Variants in SHROOM1 observed in about 807,000 individuals in gnomAD.
SHROOM1 encodes the protein protein Shroom1.
A neutral mutation model predicts 64.2 loss-of-function variants in SHROOM1; 53 were observed. The ratio of observed to expected loss-of-function variants is 0.83; its 90% confidence interval spans 0.66 to 1.04. The LOEUF (loss-of-function observed/expected upper bound fraction) is 1.04. Ranked by LOEUF, SHROOM1 falls within the 50% of genes least tolerant of loss-of-function variation. The probability of loss-of-function intolerance (pLI) is 0.00; values close to 1 mark genes in which losing one functional copy is unlikely to be tolerated. For missense variants in SHROOM1, 1,179 were observed against 1,163.2 expected, an observed-to-expected ratio of 1.01 and a Z score of -0.20; for synonymous variants, 490 against 518.9, an observed-to-expected ratio of 0.94 and a Z score of 0.76.
rs1485927464 is a variant in SHROOM1, at chr5:132,826,121, C to T, written c.20G>A (p.Gly7Glu). The change falls in exon 4 of 10, where the codon GGG becomes GAG. Residue 7 changes from glycine to glutamate, a missense_variant. Gly to Glu is a moderately conservative substitution (Grantham distance 98). Coordinates refer to ENST00000378679, the MANE Select transcript of SHROOM1 (RefSeq NM_001172700.2). ...CGAGGCCGGGGAGGCGCGGTCGCCC[C>T]CAGGTCCCAGGGCCTCCATGGCTGC... MEALGP[G>E]GDRASPASST... 1 of 1,382,900 alleles carries T rather than the reference C, an allele frequency of 7.2e-7. No homozygotes were observed. The highest frequency in any genetic ancestry group is 9.4e-7 in the Non-Finnish European group (1 of 1,067,954). 85.7% of individuals were successfully genotyped at this position (1,382,900 alleles called of 1,614,324 possible).
In SHROOM1 at chr5:132,825,890, C is replaced by T. The variant is rs774719744; in HGVS notation, c.251G>A (p.Arg84Gln). 52 of 1,311,782 alleles carry T rather than the reference C, an allele frequency of 4.0e-5. No individual in the cohort carries two copies. Among genetic ancestry groups the T allele is most frequent in the Admixed American group, 8.3e-5 (2 of 23,996 alleles). 81.3% of individuals were successfully genotyped at this position (1,311,782 alleles called of 1,614,324 possible). Residue 84 changes from arginine to glutamine, a missense_variant, in exon 4 of 10, where the codon CGG (arginine) becomes CAG (glutamine). Physicochemically the swap from Arg to Gln is conservative, Grantham distance 43 (BLOSUM62 1). Transcript: ENST00000378679. This position sits in a 1 kb window ranked among gnomAD's most constrained non-coding sequence, Gnocchi z 5.1. ...GCGGGCTGCAACCGCGGGCCGGGGCCGCGGGGATGTGCAAAGGGCAGCGTC... is the reference window on the plus strand; with the variant it reads ...GCGGGCTGCAACCGCGGGCCGGGGCTGCGGGGATGTGCAAAGGGCAGCGTC... ...PPDAALCTSP[R>Q]PRPAVAARSG...
Position 132,825,382 on chromosome 5 carries a change from A to T in SHROOM1, c.759T>A (p.Pro253=). The T allele has an allele frequency of 6.3e-7, 1 of 1,597,212 alleles. No homozygotes were observed. Among genetic ancestry groups the T allele is most frequent in the Non-Finnish European group, 8.5e-7 (1 of 1,178,604 alleles). Residue 253 remains proline, a synonymous_variant, in exon 4 of 10, where the codon CCT becomes CCA. Transcript: ENST00000378679. This position sits in a 1 kb window ranked among gnomAD's most constrained non-coding sequence, Gnocchi z 5.1. The part of the protein sequence containing the change: ...LGEACSSSGL[P]GPEPLEFQHP... ...GCTGGAACTCCAAGGGCTCGGGCCCAGGGAGGCCAGAGCTGGAGCAGGCCT... is the reference window on the plus strand; with the variant it reads ...GCTGGAACTCCAAGGGCTCGGGCCCTGGGAGGCCAGAGCTGGAGCAGGCCT...
rs889272732 is a variant in SHROOM1 at position 132,830,517 on chromosome 5, C to A, written c.-501+77G>T. The A allele has an allele frequency of 6.0e-5, 59 of 984,858 alleles. No individual in the cohort carries two copies. The highest frequency in any genetic ancestry group is 6.3e-5 in the Non-Finnish European group (52 of 829,648). 61.0% of individuals were successfully genotyped at this position (984,858 alleles called of 1,614,324 possible). On this transcript the variant is annotated intron_variant, in intron 1 of 9. Coordinates refer to ENST00000378679, the MANE Select transcript of SHROOM1 (RefSeq NM_001172700.2). The surrounding 1 kb of genome is among the most constrained non-coding windows in gnomAD (Gnocchi z 5.9). ...TCGCCGCCCGCTCTTCACCCCCGTC[C>A]GCCCGCAGCCCCGCCGGCCTCCCGG...
intron 1 of SHROOM1, chr5:132,829,757 T>C: frequency 3.0e-6 from 3 of 985,440 alleles, no homozygotes; most frequent in Non-Finnish European, 3.6e-6. Flanking sequence ...CAAAACCCAG[T>C]ACCCGCAGCT....
rs1758582315 is a variant in SHROOM1, at chr5:132,824,363, A to G, written c.1298T>C (p.Val433Ala). 1 of 1,596,614 alleles carries G rather than the reference A, an allele frequency of 6.3e-7. No homozygotes were observed. Among genetic ancestry groups the G allele is most frequent in the Non-Finnish European group, 8.5e-7 (1 of 1,171,932 alleles). ...GTGLGQRTGQ[V>A]TVPTEYPLHE... is the part of the protein sequence containing the mutation. ...GAGCGGGTACTCTGTGGGGACTGTA[A>G]CCTGGCCAGTTCTTTGGCCTAAGCC... is the stretch of plus-strand genomic sequence containing the variant. The change falls in exon 7 of 10, where the codon GTT becomes GCT. Residue 433 changes from valine to alanine, a missense_variant. By Grantham distance (64) the Val-to-Ala change is moderately conservative. Transcript: ENST00000378679.
chr5:132,828,957 G>A (rs907787997), intron 1 of SHROOM1, among the ~76,000 whole-genome samples: 41 of 152,342 alleles, frequency 2.7e-4, no homozygotes, highest in Admixed American at 2.5e-3. Context: ...GGAGCCTCTT[G>A]CAGTCCAGCC....
Position 132,825,881 on chromosome 5 carries a change from G to A in SHROOM1, c.260C>T (p.Pro87Leu). ...AALCTSPRPRPAVAARSGPQP... is the reference protein window; with the variant it reads ...AALCTSPRPRLAVAARSGPQP... Reference sequence around the variant, plus strand: ...CGGCCCACTGCGGGCTGCAACCGCGGGCCGGGGCCGCGGGGATGTGCAAAG... The same window carrying A: ...CGGCCCACTGCGGGCTGCAACCGCGAGCCGGGGCCGCGGGGATGTGCAAAG... Residue 87 changes from proline (P) to leucine (L), a missense_variant, in exon 4 of 10, where the codon CCC (proline) becomes CTC (leucine). Pro to Leu is a moderately conservative substitution (Grantham distance 98). Transcript: ENST00000378679. The surrounding 1 kb of genome is among the most constrained non-coding windows in gnomAD (Gnocchi z 5.1). 1.5e-6 allele frequency: 2 copies of A among 1,307,190 alleles called. No individual in the cohort carries two copies. Among genetic ancestry groups the A allele is most frequent in the Middle Eastern group, 2.3e-4 (1 of 4,420 alleles). The allele number at this position is 1,307,190 out of a possible 1,614,324, so 81.0% of individuals were successfully genotyped here. A position where few individuals can be genotyped will look rare whatever the true frequency, so the allele number is the denominator to read the frequency against.
chr5:132,829,613 C>T (rs1040643224), intron 1 of SHROOM1: 1 of 985,330 alleles, frequency 1.0e-6, no homozygotes, highest in Admixed American at 6.1e-5. Flanking sequence ...TCCCTCAAGG[C>T]CACCTCACAT....
At position 132,825,462 on chromosome 5, in the gene SHROOM1, C is replaced by A; in HGVS notation, c.679G>T (p.Gly227Ter). 6.4e-7 allele frequency: 1 copy of A among 1,573,570 alleles called. No individual in the cohort carries two copies. The highest frequency in any genetic ancestry group is 1.7e-5 in the Admixed American group (1 of 57,548). Residue 227 changes from glycine to a stop codon, truncating the protein, a stop_gained, in exon 4 of 10, where the codon GGA becomes TGA. Coordinates refer to ENST00000378679, the MANE Select transcript of SHROOM1 (RefSeq NM_001172700.2). LOFTEE classifies it high-confidence loss of function. The surrounding 1 kb of genome is among the most constrained non-coding windows in gnomAD (Gnocchi z 5.1). ...QQRKWCFSEP[G>*]KLDRVGRGGG... Reference sequence around the variant, plus strand: ...CCCCGACCCACACGATCCAGCTTTCCTGGCTCTGAGAAGCACCACTTCCGC... The same window carrying A: ...CCCCGACCCACACGATCCAGCTTTCATGGCTCTGAGAAGCACCACTTCCGC...
intron 1 of SHROOM1, chr5:132,829,751 A>C (rs1581236384): frequency 8.1e-6 from 8 of 985,260 alleles, no homozygotes; most frequent in Non-Finnish European, 9.6e-6. Context: ...ACGTCTCAAA[A>C]CCCAGTACCC....
At position 132,824,831 on chromosome 5, in the gene SHROOM1, G is replaced by A; in HGVS notation, c.1035-10C>T. On this transcript the variant is annotated splice_polypyrimidine_tract_variant and intron_variant, in intron 5 of 9. Transcript: ENST00000378679. ...TTTCTGAGGCAAGAACCTGGAGGCA[G>A]GGACCCCATAGTGACCACAGTGAAA... The A allele has an allele frequency of 6.2e-7, 1 of 1,614,024 alleles. No individual in the cohort carries two copies. The highest frequency in any genetic ancestry group is 8.5e-7 in the Non-Finnish European group (1 of 1,179,972).
In SHROOM1 at chr5:132,824,710, G is replaced by A. The variant is rs773592694; in HGVS notation, c.1146C>T (p.Leu382=). ...GGAACACTTCATCAGGAAGGGAGGG[G>A]AGCCAGGCAGGCACAATGCAGGTCT... is the stretch of plus-strand genomic sequence containing the variant. ...VSETCIVPAW[L]PSLPDEVFLE... Residue 382 remains leucine, a synonymous_variant, in exon 6 of 10, where the codon CTC becomes CTT. Transcript: ENST00000378679. 17 of 1,614,008 alleles carry A rather than the reference G, an allele frequency of 1.1e-5. No homozygotes were observed. Among genetic ancestry groups the A allele is most frequent in the African/African-American group, 1.3e-5 (1 of 74,908 alleles).
chr5:132,824,142 C>T lies in SHROOM1; in HGVS notation c.1519G>A (p.Ala507Thr). 1.2e-6 allele frequency: 2 copies of T among 1,614,204 alleles called. No homozygotes were observed. The highest frequency in any genetic ancestry group is 2.2e-5 in the East Asian group (1 of 44,880). The change falls in exon 7 of 10, where the codon GCC (alanine) becomes ACC (threonine). Residue 507 changes from alanine (A) to threonine (T), a missense_variant. By Grantham distance (58) the Ala-to-Thr change is moderately conservative (BLOSUM62 0). Coordinates refer to ENST00000378679, the MANE Select transcript of SHROOM1 (RefSeq NM_001172700.2). The stretch of plus-strand genomic sequence containing the variant: ...GTATCATTGCCTGAAAGTCCCAAGG[C>T]ATCAGCTGGGACAGGTTTGAGGAGG... The part of the protein sequence containing the change: ...SDLLKPVPAD[A>T]LGLSGNDTPG...
rs141661339 is a variant in SHROOM1 at position 132,823,736 on chromosome 5, G to A, written c.1840C>T (p.Leu614=). The part of the protein sequence containing the change: ...GSYQFSFTQL[L]PAPREETRLE... ...CTTGTCTCCTCCCGAGGAGCCGGCA[G>A]GAGCTGGGTGAAGCTGAACTGATAG... Residue 614 remains leucine, a synonymous_variant, in exon 8 of 10, where the codon CTG becomes TTG. Transcript: ENST00000378679. This position sits in a 1 kb window ranked among gnomAD's most constrained non-coding sequence, Gnocchi z 4.6. The A allele has an allele frequency of 4.3e-5, 69 of 1,604,038 alleles. No homozygotes were observed. The East Asian group carries it at 1.0e-3, about 24-fold the overall frequency.
At position 132,825,687 on chromosome 5, in the gene SHROOM1, C is replaced by T; in HGVS notation, c.454G>A (p.Val152Met). 1 of 1,352,150 alleles carries T rather than the reference C, an allele frequency of 7.4e-7. No homozygotes were observed. Among genetic ancestry groups the T allele is most frequent in the Non-Finnish European group, 9.5e-7 (1 of 1,056,146 alleles). The allele number at this position is 1,352,150 out of a possible 1,614,324, so 83.8% of individuals were successfully genotyped here. Reference sequence around the variant, plus strand: ...CGCTGGAACGACGTCTCCCGGAGCACTCGCCGCTGCGCGCCCTGAAGCCGC... The same window carrying T: ...CGCTGGAACGACGTCTCCCGGAGCATTCGCCGCTGCGCGCCCTGAAGCCGC... The part of the protein sequence containing the change: ...RQRLQGAQRR[V>M]LRETSFQRKE... The change falls in exon 4 of 10, where the codon GTG (valine) becomes ATG (methionine). Residue 152 changes from valine to methionine, a missense_variant. Val to Met is a conservative substitution (Grantham distance 21, BLOSUM62 1). Coordinates refer to ENST00000378679, the MANE Select transcript of SHROOM1 (RefSeq NM_001172700.2). This position sits in a 1 kb window ranked among gnomAD's most constrained non-coding sequence, Gnocchi z 5.1.
At chr5:132,824,452 G>A in intron 6 of SHROOM1, 33 bp from the exon 7 acceptor site, 1 of 1,520,994 alleles carries the variant, frequency 6.6e-7, no homozygotes, top group Non-Finnish European at 8.8e-7. Context: ...ATCAGAAAAA[G>A]CTCCAGCCAC....
chr5:132,822,615 G>A lies in SHROOM1; in HGVS notation c.*181C>T, dbSNP rs1010653270. ...CCTGACCTTGTGATCCGCCCGCCTC[G>A]GCCTCCCAAAGTGCTGGGATTACAG... On this transcript the variant is annotated 3_prime_UTR_variant, in exon 10 of 10. Transcript: ENST00000378679. The A allele has an allele frequency of 1.4e-5, 9 of 630,544 alleles. No homozygotes were observed. The highest frequency in any genetic ancestry group is 5.6e-5 in the African/African-American group (3 of 53,384). The allele number at this position is 630,544 out of a possible 1,614,324, so 39.1% of individuals were successfully genotyped here. A position where few individuals can be genotyped will look rare whatever the true frequency, so the allele number is the denominator to read the frequency against.
In SHROOM1 at chr5:132,825,785, G is replaced by A; in HGVS notation, c.356C>T (p.Ala119Val). ...RQATPLLYALAAEAEAAAQAA... is the reference protein window; with the variant it reads ...RQATPLLYALVAEAEAAAQAA... ...CTGCGCCGCGGCCTCCGCCTCGGCC[G>A]CCAGCGCGTACAGCAGCGGGGTGGC... The change falls in exon 4 of 10, where the codon GCG becomes GTG. Residue 119 changes from alanine (A) to valine (V), a missense_variant. By Grantham distance (64) the Ala-to-Val change is moderately conservative. Transcript: ENST00000378679. This position sits in a 1 kb window ranked among gnomAD's most constrained non-coding sequence, Gnocchi z 5.1. The A allele has an allele frequency of 1.6e-6, 2 of 1,243,892 alleles. No homozygotes were observed. The highest frequency in any genetic ancestry group is 2.0e-6 in the Non-Finnish European group (2 of 996,986). 77.1% of individuals were successfully genotyped at this position (1,243,892 alleles called of 1,614,324 possible).
At position 132,823,259 on chromosome 5, in the gene SHROOM1, A is replaced by G. The variant is rs767098148; in HGVS notation, c.2217T>C (p.Pro739=). ...ALARAASDSD[P]DEQASLLQRL... is the part of the protein sequence containing the mutation. ...CCTGAACCCCTTTTACCTGCTCATC[A>G]GGGTCGCTGTCTGAGGCCGCCCGGG... The change falls in exon 9 of 10, where the codon CCT becomes CCC. Residue 739 remains proline, a synonymous_variant. Transcript: ENST00000378679. This position sits in a 1 kb window ranked among gnomAD's most constrained non-coding sequence, Gnocchi z 4.6. 1 of 1,597,472 alleles carries G rather than the reference A, an allele frequency of 6.3e-7. No homozygotes were observed. The highest frequency in any genetic ancestry group is 8.5e-7 in the Non-Finnish European group (1 of 1,177,924).
Sources: allele counts gnomAD v4.1 joint callset (sites outside exome capture counted in the v4.1 genomes callset), GRCh38; gene constraint gnomAD v4.1.1; non-coding constraint Gnocchi (gnomAD v3.1); transcripts MANE v1.5; gene names NCBI Gene and HGNC (gene_info 2026-07-23, HGNC 2026-07-21).